The following SLC4A7 variants were observed in gnomAD, a reference collection of about 807,000 sequenced individuals.
The protein encoded by SLC4A7 is solute carrier family 4 member 7.
SLC4A7 carries 51 observed loss-of-function variants against 137.6 expected under a neutral mutation model. The ratio of observed to expected loss-of-function variants is 0.37; its 90% confidence interval spans 0.30 to 0.47. The LOEUF is 0.47. Among genes scored for constraint, SLC4A7 ranks in the 20% least tolerant of loss-of-function variants. The pLI is 1.00. For synonymous variants in SLC4A7, 542 were observed against 518.6 expected (o/e 1.05, Z -0.61); for missense variants, 1,247 against 1,525.4 (o/e 0.82, Z 3.04).
rs146098637 is a variant in SLC4A7, at chr3:27,393,556, T to C, written c.3117+962A>G. On this transcript the variant is annotated intron_variant, in intron 20 of 25. Coordinates refer to ENST00000454389, the MANE Select transcript of SLC4A7 (RefSeq NM_001321103.2). ...TTACAGTAAGGGAAGGTAGCAGATA[T>C]TAGAAAGACTTATTTGGTCTTCAGG... Among the ~76,000 whole-genome samples, 304 of 152,286 alleles carry C rather than the reference T, an allele frequency of 2.0e-3. 6 individuals are homozygous for C. Among genetic ancestry groups the C allele is most frequent in the East Asian group, 7.0e-3 (36 of 5,170 alleles).
intron 10 of SLC4A7, among the ~76,000 whole-genome samples, chr3:27,418,852 T>TA (rs1257531410): frequency 6.6e-6 from 1 of 152,184 alleles, no homozygotes; most frequent in African/African-American, 2.4e-5. Context: ...AGAGAACAGT[T>TA]ACATGTTAAG....
chr3:27,392,371 C>G (rs2051654050), intron 20 of SLC4A7, among the ~76,000 whole-genome samples: 1 of 152,126 alleles, frequency 6.6e-6, no homozygotes, highest in Admixed American at 6.6e-5. Context: ...AGAGCCCATC[C>G]ATTTACTCAA....
chr3:27,460,316 G>A (rs892895015), intron 1 of SLC4A7, among the ~76,000 whole-genome samples: 10 of 152,122 alleles, frequency 6.6e-5, no homozygotes, highest in Admixed American at 1.3e-4. Flanking sequence ...GATTATAGGT[G>A]TGAGCCACTG....
intron 7 of SLC4A7, among the ~76,000 whole-genome samples, chr3:27,427,004 A>G (rs572543937): frequency 5.4e-4 from 82 of 152,344 alleles, no homozygotes; most frequent in African/African-American, 1.8e-3. Context: ...ATTTTTCTTT[A>G]AATTTCAAAT....
intron 12 of SLC4A7, 36 bp downstream of exon 12, chr3:27,411,606 C>T: frequency 9.3e-7 from 1 of 1,077,322 alleles, no homozygotes; most frequent in Non-Finnish European, 1.3e-6. Flanking sequence ...TCAAATCATC[C>T]CCCAAACCCT....
At chr3:27,388,037 C>T (rs887705556) in intron 22 of SLC4A7, among the ~76,000 whole-genome samples, 2 of 152,046 alleles carry the variant, frequency 1.3e-5, no homozygotes, top group Non-Finnish European at 2.9e-5. Context: ...GAGAGACTGC[C>T]TACTAATTCA....
At chr3:27,430,024 T>C (rs2056105195) in intron 7 of SLC4A7, among the ~76,000 whole-genome samples, 1 of 152,090 alleles carries the variant, frequency 6.6e-6, no homozygotes, top group African/African-American at 2.4e-5. Context: ...AAGACCAGCC[T>C]GGGCAACACA....
chr3:27,479,232 T>C (rs1199184964), intron 1 of SLC4A7, among the ~76,000 whole-genome samples: 1 of 151,932 alleles, frequency 6.6e-6, no homozygotes, highest in East Asian at 1.9e-4. Context: ...CTGTGCAAAA[T>C]GTTGAAACCC....
intron 13 of SLC4A7, among the ~76,000 whole-genome samples, chr3:27,407,048 A>G (rs1402076525): frequency 1.3e-5 from 2 of 152,072 alleles, no homozygotes; most frequent in South Asian, 2.1e-4. Context: ...GCAAATCGGT[A>G]TAAAATTAAG....
chr3:27,431,502 G>C lies in SLC4A7; in HGVS notation c.946C>G (p.Gln316Glu). Residue 316 changes from glutamine to glutamate, a missense_variant, in exon 7 of 26, where the codon CAA becomes GAA. Physicochemically the swap from Gln to Glu is conservative, Grantham distance 29. This residue lies in a region of SLC4A7 where 223 missense variants were observed against 203.6 expected (regional missense o/e 1.10). Transcript: ENST00000454389. ...SRCTTPVPTP[Q>E]NSPPSSPSIS... The stretch of plus-strand genomic sequence containing the variant: ...CTAGGGCTAGAAGGAGGACTGTTTT[G>C]AGGGGTGGGTACTGGGGTTGTACAC... The C allele has an allele frequency of 6.2e-7, 1 of 1,614,146 alleles. No individual in the cohort carries two copies. The highest frequency in any genetic ancestry group is 8.5e-7 in the Non-Finnish European group (1 of 1,180,012).
chr3:27,386,909 A>G (rs535383464), intron 22 of SLC4A7, among the ~76,000 whole-genome samples: 1 of 152,296 alleles, frequency 6.6e-6, no homozygotes, highest in South Asian at 2.1e-4. Flanking sequence ...AACATTACTT[A>G]GCTTCCAGTA....
chr3:27,461,751 G>A (rs546396006), intron 1 of SLC4A7, among the ~76,000 whole-genome samples: 2 of 151,910 alleles, frequency 1.3e-5, no homozygotes, highest in Admixed American at 1.3e-4. Flanking sequence ...CTTGAGGTCA[G>A]GAGTTTGAGA....
At chr3:27,423,242 G>C (rs1399935119) in intron 8 of SLC4A7, among the ~76,000 whole-genome samples, 2 of 152,084 alleles carry the variant, frequency 1.3e-5, no homozygotes, top group East Asian at 3.9e-4. Context: ...CTTAAGAAAT[G>C]AAATCAGCTT....
At chr3:27,476,985 C>A (rs569073868) in intron 1 of SLC4A7, among the ~76,000 whole-genome samples, 1 of 152,296 alleles carries the variant, frequency 6.6e-6, no homozygotes, top group East Asian at 1.9e-4. Flanking sequence ...CCCCAGCCAT[C>A]AGGGAATCTG....
chr3:27,442,697 G>T (rs1408232629), intron 3 of SLC4A7, among the ~76,000 whole-genome samples: 1 of 152,100 alleles, frequency 6.6e-6, no homozygotes, highest in East Asian at 1.9e-4. Context: ...AGACAAAACC[G>T]GGTTCTGGTC....
intron 1 of SLC4A7, among the ~76,000 whole-genome samples, chr3:27,452,885 T>C (rs1480300725): frequency 6.6e-6 from 1 of 152,186 alleles, no homozygotes; most frequent in Non-Finnish European, 1.5e-5. Flanking sequence ...CTCTTAAGTC[T>C]CCTAAATAAC....
chr3:27,391,906 A>T (rs2307035), intron 20 of SLC4A7, 98 bp from the exon 21 acceptor site: 241,808 of 691,550 alleles, frequency 0.35, 47,467 homozygotes, highest in East Asian at 0.72. Flanking sequence ...AGATTTTTCA[A>T]TCATGAGGAT....
At chr3:27,452,377 T>C (rs1433679454) in intron 2 of SLC4A7, 40 bp downstream of exon 2, 1 of 1,292,520 alleles carries the variant, frequency 7.7e-7, no homozygotes, top group African/African-American at 1.5e-5. Context: ...ATTAGTAAAT[T>C]ATCCTACTAA....
In SLC4A7 at chr3:27,374,580, T is replaced by C. The variant is rs2049775828; in HGVS notation, c.*2184A>G. On this transcript the variant is annotated 3_prime_UTR_variant, in exon 26 of 26. Transcript: ENST00000454389. Reference sequence around the variant, plus strand: ...TAGTCAGATCATTTTGTCAGTCAAGTAGTCAAAAGAAAGCAGAAACCAGTA... The same window carrying C: ...TAGTCAGATCATTTTGTCAGTCAAGCAGTCAAAAGAAAGCAGAAACCAGTA... The C allele has an allele frequency of 6.6e-6, 1 of 152,502 alleles. No individual in the cohort carries two copies. The highest frequency in any genetic ancestry group is 2.4e-5 in the African/African-American group (1 of 41,452). The allele number at this position is 152,502 out of a possible 1,614,324, so 9.4% of individuals were successfully genotyped here.
Sources: gnomAD v4.1 joint callset for allele counts (sites outside exome capture counted in the v4.1 genomes callset) on GRCh38, gnomAD v4.1.1 for gene constraint, gnomAD v4.1.1 regional missense constraint, MANE v1.5 for transcripts, NCBI Gene and HGNC (gene_info 2026-07-23, HGNC 2026-07-21) for gene names.